Variants in TBC1D7 observed in about 807,000 individuals in gnomAD.
The protein encoded by TBC1D7 is TBC1 domain family member 7.
A neutral mutation model predicts 35.3 loss-of-function variants in TBC1D7; 33 were observed. The ratio of observed to expected loss-of-function variants is 0.93; its 90% confidence interval spans 0.71 to 1.25. The LOEUF (loss-of-function observed/expected upper bound fraction) is 1.25. TBC1D7 is among the 50% of genes most tolerant of loss of function. The pLI is 0.00. For synonymous variants in TBC1D7, 135 were observed against 129.5 expected (o/e 1.04, Z -0.29); for missense variants, 362 against 365.3 (o/e 0.99, Z 0.07).
intron 3 of TBC1D7, among the ~76,000 whole-genome samples, chr6:13,322,279 CA>C (rs973001262): frequency 4.0e-5 from 6 of 150,548 alleles, no homozygotes; most frequent in South Asian, 2.1e-4. Flanking sequence ...AAAAACAAAA[CA>C]AAAAAAAACA....
chr6:13,311,722 T>C (rs1783227209), intron 5 of TBC1D7, among the ~76,000 whole-genome samples: 1 of 152,154 alleles, frequency 6.6e-6, no homozygotes, highest in Admixed American at 6.5e-5. Flanking sequence ...TTAAGGGACA[T>C]GAAGTGTCTT....
chr6:13,326,331 C>T (rs780542950), intron 2 of TBC1D7, among the ~76,000 whole-genome samples: 2 of 152,082 alleles, frequency 1.3e-5, no homozygotes, highest in East Asian at 1.9e-4. Context: ...GGCATGGTGG[C>T]ACATGCCTGT....
At position 13,314,787 on chromosome 6, in the gene TBC1D7, A is replaced by T. The variant is rs895197184; in HGVS notation, c.519+1784T>A. ...ATCAGTGCCCCGCATCTCATCTTGC[A>T]CCCTGTACCACAGTTACCACTTTCA... On this transcript the variant is annotated intron_variant, in intron 5 of 7. Transcript: ENST00000379300. 2.0e-5 allele frequency among the ~76,000 whole-genome samples: 3 copies of T among 152,224 alleles called. No homozygotes were observed. In the East Asian group the frequency reaches 5.8e-4, roughly 29 times the overall value.
At chr6:13,317,415 T>C (rs1168520860) in intron 4 of TBC1D7, among the ~76,000 whole-genome samples, 1 of 152,230 alleles carries the variant, frequency 6.6e-6, no homozygotes, top group Non-Finnish European at 1.5e-5. Context: ...CATTTTCATC[T>C]AGGATTTAAT....
At chr6:13,315,634 T>C (rs947627402) in intron 5 of TBC1D7, among the ~76,000 whole-genome samples, 2 of 152,158 alleles carry the variant, frequency 1.3e-5, no homozygotes, top group Non-Finnish European at 2.9e-5. Flanking sequence ...GGAGAATCAT[T>C]TGAACCCAGG....
chr6:13,306,280 G>T, intron 7 of TBC1D7, 118 bp downstream of exon 7: 2 of 778,796 alleles, frequency 2.6e-6, no homozygotes, highest in Non-Finnish European at 4.0e-6. Flanking sequence ...ACATTCTAAG[G>T]TATTATTTCT....
intron 5 of TBC1D7, among the ~76,000 whole-genome samples, chr6:13,315,478 C>T (rs903568348): frequency 2.0e-5 from 3 of 152,058 alleles, no homozygotes; most frequent in African/African-American, 7.2e-5. Context: ...CTTTGGGAGG[C>T]CAAGGTGGGC....
chr6:13,312,376 T>C (rs2127528289), intron 5 of TBC1D7, among the ~76,000 whole-genome samples: 1 of 152,254 alleles, frequency 6.6e-6, no homozygotes, highest in Non-Finnish European at 1.5e-5. Context: ...TTAAAATGTT[T>C]AAGCATTTTT....
rs1396868622 is a variant in TBC1D7 at position 13,307,665 on chromosome 6, T to C, written c.600A>G (p.Lys200=). 6 of 1,614,104 alleles carry C rather than the reference T, an allele frequency of 3.7e-6. No homozygotes were observed. Among genetic ancestry groups the C allele is most frequent in the Admixed American group, 1.7e-5 (1 of 60,022 alleles). Residue 200 remains lysine, a synonymous_variant, in exon 6 of 8, where the codon AAA becomes AAG. Coordinates refer to ENST00000379300, the MANE Select transcript of TBC1D7 (RefSeq NM_016495.6). The part of the protein sequence containing the change: ...THLRMCSAAP[K]LPYDLWFKRC... ...TCTTGAACCAGAGATCATAAGGAAG[T>C]TTGGGCGCCGCGGAACACATCCTCA...
intron 5 of TBC1D7, among the ~76,000 whole-genome samples, chr6:13,313,298 A>C (rs765602805): frequency 6.6e-5 from 10 of 152,216 alleles, no homozygotes; most frequent in Non-Finnish European, 1.5e-4. Flanking sequence ...TTCACTAGAA[A>C]CTGAGGATAG....
Position 13,328,533 on chromosome 6 carries a change from G to GCTGCCGCTGCCGCTGCCGCT in TBC1D7, c.-247_-246insAGCGGCAGCGGCAGCGGCAG, listed in dbSNP as rs1554196322. ...TGCCGCTGCCGCTGCCGCCGCCGCC[G>GCTGCCGCTGCCGCTGCCGCT]GACGTGACATCAACTCCAGGTCGCC... On this transcript the variant is annotated 5_prime_UTR_variant, in exon 1 of 8. Transcript: ENST00000379300. 6.3e-6 allele frequency: 1 copy of GCTGCCGCTGCCGCTGCCGCT among 159,274 alleles called. No homozygotes were observed. The highest frequency in any genetic ancestry group is 1.4e-5 in the Non-Finnish European group (1 of 71,954). The allele number at this position is 159,274 out of a possible 1,614,324, so 9.9% of individuals were successfully genotyped here. A position where few individuals can be genotyped will look rare whatever the true frequency, so the allele number is the denominator to read the frequency against.
At chr6:13,325,484 A>G (rs1784343343) in intron 2 of TBC1D7, among the ~76,000 whole-genome samples, 1 of 152,070 alleles carries the variant, frequency 6.6e-6, no homozygotes, top group African/African-American at 2.4e-5. Flanking sequence ...CCAACATGGC[A>G]AAACACCATC....
chr6:13,315,417 A>T (rs1235367212), intron 5 of TBC1D7, among the ~76,000 whole-genome samples: 2 of 152,232 alleles, frequency 1.3e-5, no homozygotes, highest in African/African-American at 4.8e-5. Context: ...GAATACACAT[A>T]TAACAAAATA....
chr6:13,311,926 G>GAGATAC (rs1463145330), intron 5 of TBC1D7, among the ~76,000 whole-genome samples: 1 of 128,932 alleles, frequency 7.8e-6, no homozygotes, highest in Non-Finnish European at 1.7e-5. Context: ...AGTCCAGAAA[G>GAGATAC]AGATATAGAT....
intron 3 of TBC1D7, among the ~76,000 whole-genome samples, chr6:13,322,678 GA>G (rs1283320604): frequency 1.3e-5 from 2 of 151,954 alleles, no homozygotes; most frequent in Admixed American, 6.6e-5. Context: ...GTTAATGTTA[GA>G]AAAAAAACTT....
At chr6:13,325,060 T>C (rs753381744) in intron 3 of TBC1D7, 34 bp downstream of exon 3, 3 of 1,497,888 alleles carry the variant, frequency 2.0e-6, no homozygotes, top group South Asian at 2.4e-5. Flanking sequence ...TCAATATTTT[T>C]TAAGATAAAT....
In TBC1D7 at chr6:13,306,392, A is replaced by G. The variant is rs377210752; in HGVS notation, c.795+6T>C. 51 of 1,581,830 alleles carry G rather than the reference A, an allele frequency of 3.2e-5. No homozygotes were observed. In the East Asian group the frequency reaches 6.3e-4, roughly 20 times the overall value. On this transcript the variant is annotated splice_donor_region_variant and intron_variant, in intron 7 of 7. Coordinates refer to ENST00000379300, the MANE Select transcript of TBC1D7 (RefSeq NM_016495.6). The stretch of plus-strand genomic sequence containing the variant: ...CAGATTCAAAATCAAATCAAAGCAC[A>G]CTTACATTTTCCAGAAACTTTGTTA...
chr6:13,316,649 A>G lies in TBC1D7; in HGVS notation c.441T>C (p.Asp147=), dbSNP rs761279330. ...IAKAMEEMVE[D]SVDCYWITRR... is the part of the protein sequence containing the mutation. ...GGGTGATCCAGTAACAGTCGACACT[A>G]TCTTCCACCATTTCCTCCATGGCTT... The change falls in exon 5 of 8, where the codon GAT becomes GAC. Residue 147 remains aspartate (D), a synonymous_variant. Transcript: ENST00000379300. 2.5e-6 allele frequency: 4 copies of G among 1,613,964 alleles called. No individual in the cohort carries two copies. The highest frequency in any genetic ancestry group is 3.3e-5 in the Admixed American group (2 of 59,982).
chr6:13,306,252 T>C (rs528161687), intron 7 of TBC1D7, 146 bp downstream of exon 7: 7 of 583,740 alleles, frequency 1.2e-5, no homozygotes, highest in Non-Finnish European at 1.9e-5. Context: ...ATAATCATTA[T>C]TATAATTATT....
Sources: gnomAD v4.1 joint callset for allele counts (sites outside exome capture counted in the v4.1 genomes callset) on GRCh38, gnomAD v4.1.1 for gene constraint, MANE v1.5 for transcripts, NCBI Gene and HGNC (gene_info 2026-07-23, HGNC 2026-07-21) for gene names.